Variants in KIRREL1 observed in about 807,000 individuals in gnomAD.
KIRREL1 encodes kirre like nephrin family adhesion molecule 1, also known as kin of IRRE-like protein 1.
A neutral mutation model predicts 83.3 loss-of-function variants in KIRREL1; 25 were observed. The observed-to-expected ratio is 0.30, with a 90% CI of 0.22 to 0.42. KIRREL1 has a LOEUF of 0.42. Among genes scored for constraint, KIRREL1 ranks in the 10% least tolerant of loss-of-function variants. The pLI is 1.00. For synonymous variants in KIRREL1, 388 were observed against 410.4 expected (o/e 0.95, Z 0.66); for missense variants, 812 against 1,032.3 (o/e 0.79, Z 2.92).
intron 1 of KIRREL1, among the ~76,000 whole-genome samples, chr1:158,074,003 CGT>C (rs1465888702): frequency 6.6e-6 from 1 of 152,156 alleles, no homozygotes; most frequent in African/African-American, 2.4e-5. Context: ...GAAGGAGAAA[CGT>C]GAGTGTGGAG....
At chr1:158,077,480 C>T (rs1242903917) in intron 2 of KIRREL1, among the ~76,000 whole-genome samples, 1 of 152,166 alleles carries the variant, frequency 6.6e-6, no homozygotes, top group Non-Finnish European at 1.5e-5. Context: ...CTGCAGGAAA[C>T]CAGGACTCTT....
At chr1:158,013,454 C>T (rs1310779239) in intron 1 of KIRREL1, among the ~76,000 whole-genome samples, 1 of 152,136 alleles carries the variant, frequency 6.6e-6, no homozygotes, top group African/African-American at 2.4e-5. Flanking sequence ...CCTTGTGATG[C>T]CAGACAGAAC....
intron 1 of KIRREL1, among the ~76,000 whole-genome samples, chr1:158,028,680 T>A (rs545884993): frequency 4.5e-4 from 68 of 152,362 alleles, no homozygotes; most frequent in African/African-American, 1.5e-3. Context: ...TTTTAACTTA[T>A]GTAACTGAAA....
intron 1 of KIRREL1, among the ~76,000 whole-genome samples, chr1:158,005,719 G>A (rs1659498460): frequency 6.6e-6 from 1 of 152,074 alleles, no homozygotes; most frequent in Non-Finnish European, 1.5e-5. Context: ...AGACTTAATT[G>A]GGTGCATGAT....
At position 158,095,102 on chromosome 1, in the gene KIRREL1, C is replaced by G; in HGVS notation, c.2256C>G (p.Arg752=). 6.2e-7 allele frequency: 1 copy of G among 1,601,036 alleles called. No individual in the cohort carries two copies. The highest frequency in any genetic ancestry group is 8.5e-7 in the Non-Finnish European group (1 of 1,171,354). ...ACTACGGCCAGCGATTCCAGCAGCG[C>G]ATGCAGACTCACGTGTAGGGGCCAG... ...HSDYGQRFQQ[R]MQTHV Residue 752 remains arginine (R), a synonymous_variant, in exon 15 of 15, where the codon CGC becomes CGG. Coordinates refer to ENST00000359209, the MANE Select transcript of KIRREL1 (RefSeq NM_018240.7).
intron 1 of KIRREL1, among the ~76,000 whole-genome samples, chr1:158,005,427 C>G (rs560403755): frequency 5.0e-4 from 76 of 152,128 alleles, no homozygotes; most frequent in African/African-American, 1.8e-3. Flanking sequence ...CTCACTAGCT[C>G]CATGCCACCC....
At chr1:158,054,824 T>C (rs750211571) in intron 1 of KIRREL1, among the ~76,000 whole-genome samples, 33 of 152,154 alleles carry the variant, frequency 2.2e-4, no homozygotes, top group African/African-American at 7.2e-4. Flanking sequence ...ATCAAGTACC[T>C]ACTCCTGCAG....
intron 1 of KIRREL1, among the ~76,000 whole-genome samples, chr1:158,008,754 C>T (rs1490316869): frequency 3.9e-5 from 6 of 152,116 alleles, no homozygotes; most frequent in Non-Finnish European, 5.9e-5. Flanking sequence ...TCATCATGCC[C>T]GTTTTAGAGA....
At chr1:158,081,652 T>C (rs1174643512) in intron 3 of KIRREL1, among the ~76,000 whole-genome samples, 1 of 152,204 alleles carries the variant, frequency 6.6e-6, no homozygotes, top group Non-Finnish European at 1.5e-5. Context: ...CATGGACACA[T>C]GCCCTTTAAC....
At chr1:158,018,477 C>G (rs533692157) in intron 1 of KIRREL1, among the ~76,000 whole-genome samples, 1 of 152,094 alleles carries the variant, frequency 6.6e-6, no homozygotes, top group Non-Finnish European at 1.5e-5. Flanking sequence ...GGCATCAGAG[C>G]GTGAGATGGT....
At chr1:158,091,704 A>G (rs1275133222) in intron 11 of KIRREL1, 148 bp downstream of exon 11, 1 of 737,584 alleles carries the variant, frequency 1.4e-6, no homozygotes, top group African/African-American at 1.8e-5. Context: ...CCTGGCTGAG[A>G]GGTCAGGAGT....
rs553693472 is a variant in KIRREL1, at chr1:157,997,240, A to AT, written c.52+3514dup. ...TCGTAAGCTTGAACAAGTCATGTAC[A>AT]TTCCCTGTGCCTCAGCATGCTCTTC... On this transcript the variant is annotated intron_variant, in intron 1 of 14. Transcript: ENST00000359209. 2.4e-4 allele frequency among the ~76,000 whole-genome samples: 36 copies of AT among 152,286 alleles called. 2 individuals carry two copies. The South Asian group carries it at 7.5e-3, about 32-fold the overall frequency.
chr1:158,003,850 C>T (rs1230298146), intron 1 of KIRREL1, among the ~76,000 whole-genome samples: 3 of 151,786 alleles, frequency 2.0e-5, no homozygotes, highest in African/African-American at 7.3e-5. Flanking sequence ...GAAATGACTT[C>T]TGGATTATCT....
chr1:158,013,210 T>TAA (rs1025467776), intron 1 of KIRREL1, among the ~76,000 whole-genome samples: 8 of 152,180 alleles, frequency 5.3e-5, no homozygotes, highest in African/African-American at 1.9e-4. Flanking sequence ...GAGGATGAAG[T>TAA]AAAGTATTTT....
intron 1 of KIRREL1, among the ~76,000 whole-genome samples, chr1:158,063,559 C>T (rs1661274034): frequency 1.3e-5 from 2 of 152,186 alleles, no homozygotes; most frequent in Non-Finnish European, 2.9e-5. Flanking sequence ...ATGTGATGAG[C>T]AGGCAACTTC....
chr1:158,038,485 C>CTTTTTTTTT (rs11340189), intron 1 of KIRREL1, among the ~76,000 whole-genome samples: 1 of 68,082 alleles, frequency 1.5e-5, no homozygotes, highest in East Asian at 6.2e-4. Context: ...GGCTCTTCCT[C>CTTTTTTTTT]TTTTTTTTTT....
At chr1:158,010,316 C>T (rs1336282922) in intron 1 of KIRREL1, among the ~76,000 whole-genome samples, 1 of 137,392 alleles carries the variant, frequency 7.3e-6, no homozygotes, top group Non-Finnish European at 1.5e-5. Context: ...GAGCAGGAGT[C>T]CCCACCATAA....
Position 158,096,066 on chromosome 1 carries a change from A to G in KIRREL1, c.*946A>G, listed in dbSNP as rs41273469. On this transcript the variant is annotated 3_prime_UTR_variant, in exon 15 of 15. Transcript: ENST00000359209. ...TCTTTTTCAAAGAAAACAAAAAACA[A>G]TGAAAACCTCATTTGGGAAGAAAAG... 0.012 allele frequency: 1,826 copies of G among 154,628 alleles called. 26 individuals are homozygous for G. The highest frequency in any genetic ancestry group is 0.022 in the Admixed American group (340 of 15,636). 9.6% of individuals were successfully genotyped at this position (154,628 alleles called of 1,614,324 possible).
intron 1 of KIRREL1, among the ~76,000 whole-genome samples, chr1:158,039,095 A>T (rs1484505169): frequency 6.6e-6 from 1 of 152,144 alleles, no homozygotes; most frequent in East Asian, 1.9e-4. Context: ...GGAAGGTTGG[A>T]CAAGGTGACC....
Sources: gnomAD v4.1 joint callset for allele counts (sites outside exome capture counted in the v4.1 genomes callset) on GRCh38, gnomAD v4.1.1 for gene constraint, MANE v1.5 for transcripts, NCBI Gene and HGNC (gene_info 2026-07-23, HGNC 2026-07-21) for gene names.